The following RPS6KC1 variants were observed in gnomAD, a reference collection of about 807,000 sequenced individuals.
RPS6KC1 encodes the protein ribosomal protein S6 kinase C1, also known as inactive ribosomal protein S6 kinase delta-1.
RPS6KC1 carries 54 observed loss-of-function variants against 103.8 expected under a neutral mutation model. The observed-to-expected ratio is 0.52, with a 90% CI of 0.42 to 0.65. The LOEUF (loss-of-function observed/expected upper bound fraction) is 0.65, where lower values mean the gene tolerates loss of function less well. Ranked by LOEUF, RPS6KC1 falls within the 30% of genes least tolerant of loss-of-function variation. RPS6KC1 has a pLI of 0.00. For missense variants in RPS6KC1, 1,151 were observed against 1,253.8 expected (o/e 0.92, Z 1.24); for synonymous variants, 439 against 438.7 (o/e 1.00, Z -0.01).
At chr1:213,342,339 C>T in the RPS6KC1 span, among the ~76,000 whole-genome samples, 12 of 152,270 alleles carry the variant, frequency 7.9e-5, 1 homozygote, top group East Asian at 1.2e-3. Flanking sequence ...GTTTCATCAT[C>T]TTGTTTATTG....
chr1:213,704,429 A>G, the RPS6KC1 span, among the ~76,000 whole-genome samples: 1 of 148,630 alleles, frequency 6.7e-6, no homozygotes, highest in Non-Finnish European at 1.5e-5. Flanking sequence ...TGTATTCTTC[A>G]GTATGCCAGT....
intron 3 of RPS6KC1, among the ~76,000 whole-genome samples, chr1:213,103,275 T>C (rs778313882): frequency 6.6e-6 from 1 of 152,200 alleles, no homozygotes; most frequent in Non-Finnish European, 1.5e-5. Flanking sequence ...GTTTTTGTTA[T>C]TCACTCACAC....
the RPS6KC1 span, among the ~76,000 whole-genome samples, chr1:213,445,900 T>C: frequency 6.6e-6 from 1 of 152,202 alleles, no homozygotes; most frequent in Admixed American, 6.5e-5. Context: ...TTATCTCCAT[T>C]CTATAGACTG....
chr1:213,132,899 G>T (rs538333444), intron 6 of RPS6KC1, among the ~76,000 whole-genome samples: 1 of 152,304 alleles, frequency 6.6e-6, no homozygotes, highest in East Asian at 1.9e-4. Context: ...TCATCCTAAA[G>T]AAGTTTATCT....
chr1:213,363,703 C>G, the RPS6KC1 span, among the ~76,000 whole-genome samples: 88 of 17,392 alleles, frequency 5.1e-3, 7 homozygotes, highest in African/African-American at 0.023. Flanking sequence ...TCTTTCTTTC[C>G]TTCTTTCTTT....
chr1:213,490,546 C>T, the RPS6KC1 span, among the ~76,000 whole-genome samples: 17 of 152,250 alleles, frequency 1.1e-4, no homozygotes, highest in South Asian at 4.2e-4. Context: ...GACAATGGTT[C>T]GGCTTCCAGT....
intron 4 of RPS6KC1, among the ~76,000 whole-genome samples, chr1:213,109,647 T>A (rs2148823792): frequency 6.6e-6 from 1 of 152,328 alleles, no homozygotes; most frequent in East Asian, 1.9e-4. Flanking sequence ...TATGTAATAT[T>A]CTTTTGTGTG....
the RPS6KC1 span, among the ~76,000 whole-genome samples, chr1:213,471,439 T>C: frequency 6.6e-6 from 1 of 152,230 alleles, no homozygotes. Flanking sequence ...CAATCTTTGA[T>C]AGTCTAAAGC....
the RPS6KC1 span, among the ~76,000 whole-genome samples, chr1:213,662,094 C>T: frequency 6.7e-3 from 1,015 of 152,064 alleles, 16 homozygotes; most frequent in African/African-American, 0.023. Flanking sequence ...AGGTCTTTCC[C>T]GGAACTTCTT....
At chr1:213,482,126 G>A in the RPS6KC1 span, among the ~76,000 whole-genome samples, 1 of 152,164 alleles carries the variant, frequency 6.6e-6, no homozygotes, top group African/African-American at 2.4e-5. Context: ...TGTACAGTCT[G>A]CAGAACCATG....
the RPS6KC1 span, among the ~76,000 whole-genome samples, chr1:213,569,066 G>A: frequency 6.6e-6 from 1 of 152,162 alleles, no homozygotes; most frequent in East Asian, 1.9e-4. Context: ...TCCCACTGTA[G>A]CATTTGGGTG....
At chr1:213,813,099 A>C in the RPS6KC1 span, among the ~76,000 whole-genome samples, 1 of 152,008 alleles carries the variant, frequency 6.6e-6, no homozygotes, top group South Asian at 2.1e-4. Context: ...AAAAATGCAA[A>C]AATTAGCTGG....
the RPS6KC1 span, among the ~76,000 whole-genome samples, chr1:213,825,528 T>A: frequency 6.6e-6 from 1 of 152,026 alleles, no homozygotes; most frequent in Non-Finnish European, 1.5e-5. Context: ...TACAAGGGGG[T>A]TAATGCCAGC....
chr1:213,781,814 C>G, the RPS6KC1 span, among the ~76,000 whole-genome samples: 1 of 151,980 alleles, frequency 6.6e-6, no homozygotes, highest in Non-Finnish European at 1.5e-5. Flanking sequence ...GGCAAAGGAA[C>G]TGGGGATATG....
At chr1:213,717,607 TTCA>T in the RPS6KC1 span, among the ~76,000 whole-genome samples, 1 of 152,176 alleles carries the variant, frequency 6.6e-6, no homozygotes, top group Non-Finnish European at 1.5e-5. Context: ...GAGTTTAGAC[TTCA>T]TCTTCTGAGT....
chr1:213,531,420 T>C, the RPS6KC1 span, among the ~76,000 whole-genome samples: 1 of 152,216 alleles, frequency 6.6e-6, no homozygotes, highest in Admixed American at 6.5e-5. Context: ...ACTTCACTTA[T>C]GTTGTCCAAT....
intron 3 of RPS6KC1, among the ~76,000 whole-genome samples, chr1:213,081,837 C>T (rs1463728814): frequency 1.3e-5 from 2 of 152,068 alleles, no homozygotes; most frequent in African/African-American, 2.4e-5. Context: ...GGAGCAGATT[C>T]TCCAGTCCCA....
rs181993466 is a variant in RPS6KC1, at chr1:213,255,030, G to A, written c.2912-6528G>A. On this transcript the variant is annotated intron_variant, in intron 12 of 14. Transcript: ENST00000366960. ...AAAATATTTTTCTAGGCCAGGCGTGGTGGCTCGTGCCTGTAATTCCAGCAT... is the reference window on the plus strand; with the variant it reads ...AAAATATTTTTCTAGGCCAGGCGTGATGGCTCGTGCCTGTAATTCCAGCAT... Among the ~76,000 whole-genome samples, 10 of 152,204 alleles carry A rather than the reference G, an allele frequency of 6.6e-5. 1 individual carries two copies. Among genetic ancestry groups the A allele is most frequent in the African/African-American group, 7.2e-5 (3 of 41,540 alleles).
At chr1:213,847,232 C>T in the RPS6KC1 span, among the ~76,000 whole-genome samples, 1 of 152,170 alleles carries the variant, frequency 6.6e-6, no homozygotes, top group African/African-American at 2.4e-5. Context: ...TTAGTAGGCA[C>T]ATGGGATTCT....
Sources: allele counts gnomAD v4.1 joint callset (sites outside exome capture counted in the v4.1 genomes callset), GRCh38; gene constraint gnomAD v4.1.1; transcripts MANE v1.5; gene names NCBI Gene and HGNC (gene_info 2026-07-23, HGNC 2026-07-21).